NEMP2: variants seen among roughly 807,000 people sequenced by gnomAD.
The protein encoded by NEMP2 is UPF0571 transmembrane protein.
In NEMP2, 53 loss-of-function variants were observed where a neutral mutation model predicts 54.2. That is an observed-to-expected ratio of 0.98 (90% CI 0.78 to 1.23). The LOEUF is 1.23. Ranked by LOEUF, NEMP2 falls within the 50% of genes most tolerant of loss-of-function variation. The probability of loss-of-function intolerance (pLI) is 0.00; values close to 1 mark genes in which losing one functional copy is unlikely to be tolerated. For missense variants in NEMP2, 455 were observed against 511.3 expected, an observed-to-expected ratio of 0.89 and a Z score of 1.06; for synonymous variants, 197 against 190.3, an observed-to-expected ratio of 1.04 and a Z score of -0.29.
Position 190,533,929 on chromosome 2 carries a change from T to C in NEMP2, c.97+630A>G. The C allele has an allele frequency of 4.1e-6, 4 of 974,260 alleles. No individual in the cohort carries two copies. The highest frequency in any genetic ancestry group is 4.9e-6 in the Non-Finnish European group (4 of 819,822). The allele number at this position is 974,260 out of a possible 1,614,324, so 60.4% of individuals were successfully genotyped here. On this transcript the variant is annotated intron_variant, in intron 1 of 8. Transcript: ENST00000409150. This position sits in a 1 kb window ranked among gnomAD's most constrained non-coding sequence, Gnocchi z 4.3. ...CCACTCCGTGGCGAGCCCCTACAGC[T>C]AGCAGCCGCTACCAGTTCTTGCTTC...
At chr2:190,436,087 T>A in the NEMP2 span, 1 of 1,614,164 alleles carries the variant, frequency 6.2e-7, no homozygotes, top group Admixed American at 1.7e-5. The surrounding 1 kb of genome is among the most constrained non-coding windows in gnomAD (Gnocchi z 5.3). Flanking sequence ...GAAGAGAAAG[T>A]ATGTGCTTGC....
chr2:190,534,274 T>A (rs1691274352), intron 1 of NEMP2: 1 of 1,148,370 alleles, frequency 8.7e-7, no homozygotes, highest in South Asian at 4.3e-5. Context: ...CCTCTCTGAG[T>A]TTCGGTTGCT....
chr2:190,638,507 C>T, the NEMP2 span, among the ~76,000 whole-genome samples: 3 of 151,986 alleles, frequency 2.0e-5, no homozygotes, highest in South Asian at 4.2e-4. This position sits in a 1 kb window ranked among gnomAD's most constrained non-coding sequence, Gnocchi z 5.7. Context: ...ATAGTCCTGA[C>T]GAAAACGAAC....
At chr2:190,524,696 C>T (rs1690871037) in intron 2 of NEMP2, among the ~76,000 whole-genome samples, 1 of 152,088 alleles carries the variant, frequency 6.6e-6, no homozygotes, top group Non-Finnish European at 1.5e-5. Context: ...CCATTTTCAT[C>T]CCTATTTTAT....
chr2:190,499,500 G>A (rs1262837588), downstream of NEMP2, among the ~76,000 whole-genome samples: 1 of 152,078 alleles, frequency 6.6e-6, no homozygotes, highest in African/African-American at 2.4e-5. The surrounding 1 kb of genome is among the most constrained non-coding windows in gnomAD (Gnocchi z 6.0). Context: ...CTAACTTTTG[G>A]TGCACATTTT....
the NEMP2 span, among the ~76,000 whole-genome samples, chr2:190,471,804 C>T: frequency 1.2e-4 from 18 of 152,304 alleles, no homozygotes; most frequent in Non-Finnish European, 2.2e-4. The surrounding 1 kb of genome is among the most constrained non-coding windows in gnomAD (Gnocchi z 4.7). Context: ...CAAGTGGGTC[C>T]CTGACCCGCA....
chr2:190,436,525 A>G, the NEMP2 span: 2 of 1,614,260 alleles, frequency 1.2e-6, no homozygotes, highest in Non-Finnish European at 1.7e-6. The surrounding 1 kb of genome is among the most constrained non-coding windows in gnomAD (Gnocchi z 5.3). Flanking sequence ...GATTCGCCCA[A>G]CAACTCACCC....
At chr2:190,471,425 G>T in the NEMP2 span, among the ~76,000 whole-genome samples, 2 of 152,144 alleles carry the variant, frequency 1.3e-5, no homozygotes, top group Non-Finnish European at 2.9e-5. The surrounding 1 kb of genome is among the most constrained non-coding windows in gnomAD (Gnocchi z 4.7). Context: ...CTTAGCAAAC[G>T]GCACACTAGG....
In NEMP2 at chr2:190,534,659, G is replaced by T; in HGVS notation, c.-4C>A. 7.6e-7 allele frequency: 1 copy of T among 1,312,304 alleles called. No homozygotes were observed. The highest frequency in any genetic ancestry group is 2.2e-5 in the South Asian group (1 of 45,926). The allele number at this position is 1,312,304 out of a possible 1,614,324, so 81.3% of individuals were successfully genotyped here. A position where few individuals can be genotyped will look rare whatever the true frequency, so the allele number is the denominator to read the frequency against. On this transcript the variant is annotated 5_prime_UTR_variant, in exon 1 of 9. Coordinates refer to ENST00000409150, the MANE Select transcript of NEMP2 (RefSeq NM_001142645.2). ...ACCGCCCTTGGCGCGGCCCCATTTC[G>T]TTAGGGGTCAGCTCCGTGCGACCCG...
At chr2:190,547,875 C>G in the NEMP2 span, among the ~76,000 whole-genome samples, 1 of 151,620 alleles carries the variant, frequency 6.6e-6, no homozygotes. The surrounding 1 kb of genome is among the most constrained non-coding windows in gnomAD (Gnocchi z 6.2). Flanking sequence ...AAGAAAAATT[C>G]GATAAAGGAG....
chr2:190,437,469 C>G, the NEMP2 span: 1 of 1,614,198 alleles, frequency 6.2e-7, no homozygotes, highest in Non-Finnish European at 8.5e-7. The surrounding 1 kb of genome is among the most constrained non-coding windows in gnomAD (Gnocchi z 5.9). Flanking sequence ...GAACTACAAC[C>G]CTCTTTGGGG....
At position 190,507,224 on chromosome 2, in the gene NEMP2, A is replaced by G. The variant is rs992780164; in HGVS notation, c.*1965T>C. ...CCTCTAAAAATAAACATGGAAAACA[A>G]TATCCTCAAGGACTGCTGTTGTTCT... On this transcript the variant is annotated 3_prime_UTR_variant, in exon 9 of 9. Coordinates refer to ENST00000409150, the MANE Select transcript of NEMP2 (RefSeq NM_001142645.2). The surrounding 1 kb of genome is among the most constrained non-coding windows in gnomAD (Gnocchi z 4.4). 4 of 152,196 alleles carry G rather than the reference A, an allele frequency of 2.6e-5. No individual in the cohort carries two copies. The highest frequency in any genetic ancestry group is 4.4e-5 in the Non-Finnish European group (3 of 68,036). The allele number at this position is 152,196 out of a possible 1,614,324, so 9.4% of individuals were successfully genotyped here. A position where few individuals can be genotyped will look rare whatever the true frequency, so the allele number is the denominator to read the frequency against.
At chr2:190,594,954 T>C in the NEMP2 span, among the ~76,000 whole-genome samples, 1 of 152,242 alleles carries the variant, frequency 6.6e-6, no homozygotes, top group East Asian at 1.9e-4. This position sits in a 1 kb window ranked among gnomAD's most constrained non-coding sequence, Gnocchi z 5.6. Context: ...TAAGTATTTA[T>C]ATAGACTTAT....
At chr2:190,497,990 C>T in the NEMP2 span, 1 of 298,778 alleles carries the variant, frequency 3.3e-6, no homozygotes, top group Non-Finnish European at 6.2e-6. This position sits in a 1 kb window ranked among gnomAD's most constrained non-coding sequence, Gnocchi z 5.2. Context: ...ATAAATTAAT[C>T]CATTCTTTCA....
At chr2:190,467,572 C>A in the NEMP2 span, among the ~76,000 whole-genome samples, 2 of 152,204 alleles carry the variant, frequency 1.3e-5, no homozygotes, top group Admixed American at 6.5e-5. This position sits in a 1 kb window ranked among gnomAD's most constrained non-coding sequence, Gnocchi z 5.5. Context: ...GAGATCGTGC[C>A]ACTGCTCTCT....
the NEMP2 span, among the ~76,000 whole-genome samples, chr2:190,483,311 A>G: frequency 6.6e-6 from 1 of 152,210 alleles, no homozygotes; most frequent in South Asian, 2.1e-4. Flanking sequence ...GAGAACATAT[A>G]GTGTAATATT....
downstream of NEMP2, chr2:190,500,252 T>C: frequency 6.2e-7 from 1 of 1,610,146 alleles, no homozygotes; most frequent in Non-Finnish European, 8.5e-7. The surrounding 1 kb of genome is among the most constrained non-coding windows in gnomAD (Gnocchi z 5.3). Context: ...CTGCATGGAA[T>C]CAGGCTCCTC....
At chr2:190,586,110 T>A in the NEMP2 span, among the ~76,000 whole-genome samples, 202 of 152,292 alleles carry the variant, frequency 1.3e-3, no homozygotes, top group African/African-American at 4.5e-3. This position sits in a 1 kb window ranked among gnomAD's most constrained non-coding sequence, Gnocchi z 4.5. Flanking sequence ...CAGAATTCGT[T>A]CTGTATTCCC....
chr2:190,497,091 C>T, the NEMP2 span, among the ~76,000 whole-genome samples: 4 of 152,144 alleles, frequency 2.6e-5, no homozygotes, highest in Admixed American at 6.5e-5. This position sits in a 1 kb window ranked among gnomAD's most constrained non-coding sequence, Gnocchi z 5.2. Context: ...TATCACGTGG[C>T]TTTTCCTGTT....
Sources: gnomAD v4.1 joint callset for allele counts (sites outside exome capture counted in the v4.1 genomes callset) on GRCh38, gnomAD v4.1.1 for gene constraint, Gnocchi (gnomAD v3.1) non-coding constraint, MANE v1.5 for transcripts, NCBI Gene and HGNC (gene_info 2026-07-23, HGNC 2026-07-21) for gene names.